PDE4D: variants seen among roughly 807,000 people sequenced by gnomAD.
PDE4D encodes 3',5'-cyclic-AMP phosphodiesterase 4D.
A neutral mutation model predicts 87.4 loss-of-function variants in PDE4D; 24 were observed. The observed-to-expected ratio is 0.27, with a 90% CI of 0.20 to 0.39. PDE4D has a LOEUF of 0.39. Ranked by LOEUF, PDE4D falls within the 10% of genes least tolerant of loss-of-function variation. The pLI is 1.00. For missense variants in PDE4D, 714 were observed against 1,041.0 expected (o/e 0.69, Z 4.32); for synonymous variants, 384 against 383.2 (o/e 1.00, Z -0.02).
intron 5 of PDE4D, among the ~76,000 whole-genome samples, chr5:59,148,774 TGTG>T (rs1779051788): frequency 6.6e-6 from 1 of 151,670 alleles, no homozygotes; most frequent in Non-Finnish European, 1.5e-5. Context: ...TGTGTGTGTG[TGTG>T]TGTGTGTGTG....
At chr5:60,417,263 G>A (rs1421864984) in intron 1 of PDE4D, among the ~76,000 whole-genome samples, 2 of 152,198 alleles carry the variant, frequency 1.3e-5, no homozygotes, top group African/African-American at 4.8e-5. Flanking sequence ...TTGTATCACG[G>A]ATGAGAGAAC....
chr5:60,399,697 C>T (rs1300118014), intron 1 of PDE4D, among the ~76,000 whole-genome samples: 3 of 152,212 alleles, frequency 2.0e-5, no homozygotes, highest in African/African-American at 7.2e-5. Flanking sequence ...ACCAAGCAAC[C>T]GTATCCAAGG....
At chr5:59,309,970 C>T (rs372373554) in intron 1 of PDE4D, among the ~76,000 whole-genome samples, 18 of 152,190 alleles carry the variant, frequency 1.2e-4, no homozygotes, top group African/African-American at 4.3e-4. Context: ...GTGAGGTCTT[C>T]TTTCTCTTGC....
At chr5:59,629,622 C>T (rs946299776) in intron 1 of PDE4D, among the ~76,000 whole-genome samples, 7 of 152,136 alleles carry the variant, frequency 4.6e-5, no homozygotes, top group Non-Finnish European at 8.8e-5. Flanking sequence ...GCCTCCAGAA[C>T]GGTGAGATAA....
At chr5:60,093,335 T>C (rs534168164) in intron 2 of PDE4D, among the ~76,000 whole-genome samples, 1 of 152,218 alleles carries the variant, frequency 6.6e-6, no homozygotes, top group Non-Finnish European at 1.5e-5. Flanking sequence ...TGGGTCCTTC[T>C]TTTTATATTC....
intron 5 of PDE4D, among the ~76,000 whole-genome samples, chr5:59,159,124 A>AGCAAAGACC (rs138224570): frequency 0.37 from 56,525 of 151,852 alleles, 11,183 homozygotes; most frequent in Middle Eastern, 0.46. Context: ...CCTCCTCTGA[A>AGCAAAGACC]TTCTTACGAT....
chr5:60,514,892 A>T (rs1037399812), intron 1 of PDE4D, among the ~76,000 whole-genome samples: 1 of 152,136 alleles, frequency 6.6e-6, no homozygotes, highest in African/African-American at 2.4e-5. Flanking sequence ...AAAAAGAATA[A>T]GCAAAATAAA....
chr5:59,996,144 T>C (rs2152835687), intron 2 of PDE4D, among the ~76,000 whole-genome samples: 1 of 152,330 alleles, frequency 6.6e-6, no homozygotes, highest in East Asian at 1.9e-4. Context: ...TTTTCACCTA[T>C]TTTGTTTTAA....
intron 1 of PDE4D, among the ~76,000 whole-genome samples, chr5:59,632,157 C>T (rs1831655754): frequency 6.6e-6 from 1 of 152,204 alleles, no homozygotes; most frequent in African/African-American, 2.4e-5. Context: ...CCCACCGCAG[C>T]TCCACAAAGT....
At chr5:59,311,496 T>C (rs1772594360) in intron 1 of PDE4D, among the ~76,000 whole-genome samples, 1 of 61,922 alleles carries the variant, frequency 1.6e-5, no homozygotes, top group Non-Finnish European at 2.4e-5. Context: ...AGAGACTCTG[T>C]CTCAAAAAAA....
chr5:59,050,040 G>T (rs547790922), intron 5 of PDE4D, among the ~76,000 whole-genome samples: 1 of 152,172 alleles, frequency 6.6e-6, no homozygotes, highest in African/African-American at 2.4e-5. Context: ...AAGGCAGGTG[G>T]ATCACCTGAG....
chr5:59,180,794 G>A lies in PDE4D; in HGVS notation c.759-150C>T, dbSNP rs183952699. On this transcript the variant is annotated intron_variant, in intron 4 of 14. Transcript: ENST00000340635. ...GATTTCTTTCAGACTAGCCAGACAA[G>A]TCCCTAGGCGTTCTTTGTATTATGG... The A allele has an allele frequency of 6.7e-5, 48 of 719,364 alleles. No individual in the cohort carries two copies. In the East Asian group the frequency reaches 1.2e-3, roughly 19 times the overall value. The allele number at this position is 719,364 out of a possible 1,614,324, so 44.6% of individuals were successfully genotyped here.
In PDE4D at chr5:60,235,408, G is replaced by A. The variant is rs180833993; in HGVS notation, c.-89-49721C>T. Among the ~76,000 whole-genome samples the A allele has an allele frequency of 1.7e-4, 26 of 151,858 alleles. 1 individual carries two copies. The East Asian group carries it at 2.3e-3, about 14-fold the overall frequency. ...TATTACAGGTATAATAAAACCTCCC[G>A]AAGTAGTTTGAAAAAGAGGGCTTGC... On this transcript the variant is annotated intron_variant, in intron 1 of 16. Coordinates refer to the PDE4D transcript ENST00000502484.
chr5:60,508,977 G>A (rs1320527634), intron 1 of PDE4D, among the ~76,000 whole-genome samples: 2 of 151,378 alleles, frequency 1.3e-5, no homozygotes, highest in African/African-American at 4.9e-5. Flanking sequence ...TCGGTTCACT[G>A]CAACCTCCGC....
At chr5:59,461,354 AT>A (rs951814616) in intron 1 of PDE4D, among the ~76,000 whole-genome samples, 12 of 151,596 alleles carry the variant, frequency 7.9e-5, no homozygotes, top group African/African-American at 2.4e-4. Context: ...TAGTGTTTGG[AT>A]TTTTTTTTAC....
intron 1 of PDE4D, among the ~76,000 whole-genome samples, chr5:59,674,616 T>C (rs1747763886): frequency 6.6e-6 from 1 of 152,158 alleles, no homozygotes; most frequent in Non-Finnish European, 1.5e-5. Flanking sequence ...TTCTTTAAAA[T>C]CTTGAGTATC....
At chr5:59,031,375 ATATATATATATATATAT>A (rs1340815354) in intron 6 of PDE4D, among the ~76,000 whole-genome samples, 2 of 15,390 alleles carry the variant, frequency 1.3e-4, no homozygotes, top group Non-Finnish European at 2.5e-4. Flanking sequence ...ATATATATAT[ATATATATATATATATAT>A]TATATATATA....
At chr5:59,756,282 T>A (rs578170094) in intron 1 of PDE4D, among the ~76,000 whole-genome samples, 88 of 152,180 alleles carry the variant, frequency 5.8e-4, no homozygotes, top group African/African-American at 2.0e-3. Flanking sequence ...TAAGGATTAG[T>A]CATCAGAATT....
intron 1 of PDE4D, among the ~76,000 whole-genome samples, chr5:60,372,029 G>A (rs980534460): frequency 2.6e-5 from 4 of 152,134 alleles, no homozygotes; most frequent in African/African-American, 4.8e-5. Flanking sequence ...TTCAGCCTTC[G>A]TAGATACTGA....
Sources: allele counts gnomAD v4.1 joint callset (sites outside exome capture counted in the v4.1 genomes callset), GRCh38; gene constraint gnomAD v4.1.1; transcripts MANE v1.5; gene names NCBI Gene and HGNC (gene_info 2026-07-23, HGNC 2026-07-21).